PKP1: variants seen among roughly 807,000 people sequenced by gnomAD.
PKP1 encodes plakophilin 1.
Under a neutral mutation model 76.4 loss-of-function variants are expected in PKP1, and 27 were observed. That is an observed-to-expected ratio of 0.35 (90% CI 0.26 to 0.49). The LOEUF (loss-of-function observed/expected upper bound fraction) is 0.49, where lower values mean the gene tolerates loss of function less well. Among genes scored for constraint, PKP1 ranks in the 20% least tolerant of loss-of-function variants. The pLI is 0.99. For missense variants in PKP1, 964 were observed against 955.2 expected, an observed-to-expected ratio of 1.01 and a Z score of -0.12; for synonymous variants, 404 against 384.2, an observed-to-expected ratio of 1.05 and a Z score of -0.60.
intron 1 of PKP1, among the ~76,000 whole-genome samples, chr1:201,284,780 T>TC (rs1320982794): frequency 6.6e-6 from 1 of 151,738 alleles, no homozygotes; most frequent in Non-Finnish European, 1.5e-5. Context: ...AGGTTGGAAA[T>TC]CCCCCCGGGC....
chr1:201,294,244 T>G (rs935002689), intron 2 of PKP1, among the ~76,000 whole-genome samples, 199 bp downstream of exon 2: 9 of 152,230 alleles, frequency 5.9e-5, no homozygotes, highest in Admixed American at 5.2e-4. Flanking sequence ...GACTGGATAT[T>G]TTTGAATGTC....
At chr1:201,294,521 G>A (rs374405804) in intron 2 of PKP1, among the ~76,000 whole-genome samples, 19 of 152,196 alleles carry the variant, frequency 1.2e-4, no homozygotes, top group East Asian at 1.2e-3. Context: ...CTGACAACCC[G>A]ACACATTTGG....
Position 201,283,810 on chromosome 1 carries a change from T to A in PKP1, c.108T>A (p.Ser36=). 6.2e-7 allele frequency: 1 copy of A among 1,614,138 alleles called. No homozygotes were observed. The highest frequency in any genetic ancestry group is 8.5e-7 in the Non-Finnish European group (1 of 1,179,958). Residue 36 remains serine (S), a synonymous_variant, in exon 1 of 14, where the codon TCT becomes TCA. Coordinates refer to ENST00000367324, the MANE Select transcript of PKP1 (RefSeq NM_001005337.3). ...ACCAAAAGATGAAAACAGGCACGTC[T>A]GGCAGGCAGCGCGTGCAGGAGCAGG... ...PSDQKMKTGT[S]GRQRVQEQVM... is the part of the protein sequence containing the mutation.
Position 201,323,087 on chromosome 1 carries a change from T to C in PKP1, c.1578T>C (p.Asp526=). The C allele has an allele frequency of 6.2e-7, 1 of 1,614,134 alleles. No homozygotes were observed. The highest frequency in any genetic ancestry group is 8.5e-7 in the Non-Finnish European group (1 of 1,180,010). The change falls in exon 9 of 14, where the codon GAT becomes GAC. Residue 526 remains aspartate, a synonymous_variant. Coordinates refer to ENST00000367324, the MANE Select transcript of PKP1 (RefSeq NM_001005337.3). ...PKGSGWLYHS[D]AIRTYLNLMG... is the part of the protein sequence containing the mutation. ...GCAGCGGCTGGTTGTACCATTCAGATGCCATCCGCACCTACCTGAACCTCA... is the reference window on the plus strand; with the variant it reads ...GCAGCGGCTGGTTGTACCATTCAGACGCCATCCGCACCTACCTGAACCTCA...
At chr1:201,293,789 T>C (rs545171079) in intron 1 of PKP1, among the ~76,000 whole-genome samples, 153 bp from the exon 2 acceptor site, 1 of 152,252 alleles carries the variant, frequency 6.6e-6, no homozygotes, top group South Asian at 2.1e-4. Flanking sequence ...TGGAGATAGA[T>C]GGAGATGACA....
At chr1:201,325,225 G>A in intron 11 of PKP1, 98 bp downstream of exon 11, 2 of 1,268,628 alleles carry the variant, frequency 1.6e-6, no homozygotes. Flanking sequence ...TGGAGTAGGG[G>A]AAGCACCAAG....
chr1:201,286,459 T>A (rs2102403878), intron 1 of PKP1, among the ~76,000 whole-genome samples: 1 of 152,280 alleles, frequency 6.6e-6, no homozygotes, highest in Admixed American at 6.5e-5. Flanking sequence ...GGCTTCTCAG[T>A]TCCTCTCCAC....
intron 1 of PKP1, among the ~76,000 whole-genome samples, chr1:201,288,281 G>A (rs1473952769): frequency 4.6e-5 from 7 of 152,132 alleles, no homozygotes; most frequent in African/African-American, 1.2e-4. Context: ...TGCCCAGACC[G>A]CCAGCAGCTG....
At chr1:201,298,738 G>T (rs977521516) in intron 2 of PKP1, among the ~76,000 whole-genome samples, 1 of 152,286 alleles carries the variant, frequency 6.6e-6, no homozygotes, top group African/African-American at 2.4e-5. Flanking sequence ...CCTCTTTAAC[G>T]CAGGACTTAC....
intron 3 of PKP1, among the ~76,000 whole-genome samples, chr1:201,315,739 T>C (rs193102869): frequency 6.6e-6 from 1 of 152,360 alleles, no homozygotes; most frequent in Middle Eastern, 3.4e-3. Context: ...TGATTCAACC[T>C]AATACCTGCC....
At chr1:201,294,983 G>A (rs531329263) in intron 2 of PKP1, among the ~76,000 whole-genome samples, 18 of 152,160 alleles carry the variant, frequency 1.2e-4, no homozygotes, top group East Asian at 1.9e-4. Flanking sequence ...ATTTACTTTC[G>A]CTGATGCAAC....
rs1655635967 is a variant in PKP1, at chr1:201,283,596, C to A, written c.-107C>A. On this transcript the variant is annotated 5_prime_UTR_variant, in exon 1 of 14. Coordinates refer to ENST00000367324, the MANE Select transcript of PKP1 (RefSeq NM_001005337.3). Reference sequence around the variant, plus strand: ...CCACGCACTCTATGGCCGTAGGGAGCCGCTGAGAGCGAGAAGAGCACGCTC... The same window carrying A: ...CCACGCACTCTATGGCCGTAGGGAGACGCTGAGAGCGAGAAGAGCACGCTC... 2.0e-6 allele frequency: 2 copies of A among 982,454 alleles called. No individual in the cohort carries two copies. Among genetic ancestry groups the A allele is most frequent in the African/African-American group, 1.6e-5 (1 of 61,942 alleles). 60.9% of individuals were successfully genotyped at this position (982,454 alleles called of 1,614,324 possible).
At position 201,283,876 on chromosome 1, in the gene PKP1, G is replaced by T. The variant is rs560818766; in HGVS notation, c.174G>T (p.Gln58His). 2 of 1,614,152 alleles carry T rather than the reference G, an allele frequency of 1.2e-6. No individual in the cohort carries two copies. The highest frequency in any genetic ancestry group is 1.7e-5 in the Admixed American group (1 of 60,034). The stretch of plus-strand genomic sequence containing the variant: ...AGCGGCAGAAGTCCAAGTCTTCCCA[G>T]TCGTCCACCCTGAGCCACTCCAATC... ...TVKRQKSKSSQSSTLSHSNRG... is the reference protein window; with the variant it reads ...TVKRQKSKSSHSSTLSHSNRG... Residue 58 changes from glutamine (Q) to histidine (H), a missense_variant, in exon 1 of 14, where the codon CAG (glutamine) becomes CAT (histidine). Transcript: ENST00000367324.
chr1:201,324,510 C>T lies in PKP1; in HGVS notation c.1763C>T (p.Ser588Phe), dbSNP rs1005266334. Residue 588 changes from serine to phenylalanine, a missense_variant, in exon 10 of 14, where the codon TCT (serine) becomes TTT (phenylalanine). Transcript: ENST00000367324. ...GCCCGCCTCCTGCAATCTGGCAACT[C>T]TGATGTGGTGCGGTCCGGAGCCTCC... The part of the protein sequence containing the change: ...QIARLLQSGN[S>F]DVVRSGASLL... The T allele has an allele frequency of 2.5e-6, 4 of 1,614,034 alleles. No homozygotes were observed. Among genetic ancestry groups the T allele is most frequent in the Non-Finnish European group, 3.4e-6 (4 of 1,180,036 alleles).
chr1:201,316,744 G>A (rs201780810), intron 4 of PKP1, 47 bp downstream of exon 4: 1 of 1,606,960 alleles, frequency 6.2e-7, no homozygotes, highest in Non-Finnish European at 8.5e-7. Flanking sequence ...CGGAGGGCCT[G>A]GGTGTGTCAG....
At chr1:201,314,631 C>T (rs532684157) in intron 3 of PKP1, among the ~76,000 whole-genome samples, 2 of 152,236 alleles carry the variant, frequency 1.3e-5, no homozygotes, top group African/African-American at 2.4e-5. Context: ...GAGCCATAGA[C>T]GCAGAGGTGT....
In PKP1 at chr1:201,322,021, G is replaced by T. The variant is rs751817941; in HGVS notation, c.1391G>T (p.Arg464Leu). ...TGTGTTCTGCACAACCTCTCCTACC[G>T]CCTGGACGCCGAGGTGCCCACCCGC... ...CMCVLHNLSY[R>L]LDAEVPTRYR... The change falls in exon 8 of 14, where the codon CGC becomes CTC. Residue 464 changes from arginine (R) to leucine (L), a missense_variant. Physicochemically the swap from Arg to Leu is moderately radical, Grantham distance 102. Coordinates refer to ENST00000367324, the MANE Select transcript of PKP1 (RefSeq NM_001005337.3). 2 of 1,613,880 alleles carry T rather than the reference G, an allele frequency of 1.2e-6. No individual in the cohort carries two copies. The highest frequency in any genetic ancestry group is 1.6e-4 in the Middle Eastern group (1 of 6,062).
At chr1:201,310,573 C>A (rs2102170622) in intron 2 of PKP1, among the ~76,000 whole-genome samples, 1 of 152,362 alleles carries the variant, frequency 6.6e-6, no homozygotes, top group East Asian at 1.9e-4. Flanking sequence ...GGTGGCAGTT[C>A]ACCTCCTTGT....
At chr1:201,310,533 GGTCC>G (rs1656516430) in intron 2 of PKP1, among the ~76,000 whole-genome samples, 1 of 152,232 alleles carries the variant, frequency 6.6e-6, no homozygotes, top group African/African-American at 2.4e-5. Flanking sequence ...GCTTCATCCA[GGTCC>G]CAGGCCAATT....
Sources: gnomAD v4.1 joint callset for allele counts (sites outside exome capture counted in the v4.1 genomes callset) on GRCh38, gnomAD v4.1.1 for gene constraint, MANE v1.5 for transcripts, NCBI Gene and HGNC (gene_info 2026-07-23, HGNC 2026-07-21) for gene names.